Variants in FAM135B observed in about 807,000 individuals in gnomAD.
FAM135B encodes the protein protein FAM135B.
Under a neutral mutation model 127.7 loss-of-function variants are expected in FAM135B, and 43 were observed. The observed-to-expected ratio is 0.34, with a 90% CI of 0.26 to 0.43. The LOEUF is 0.43. Among genes scored for constraint, FAM135B ranks in the 20% least tolerant of loss-of-function variants. The probability of loss-of-function intolerance (pLI) is 1.00; values close to 1 mark genes in which losing one functional copy is unlikely to be tolerated. For missense variants in FAM135B, 1,558 were observed against 1,725.6 expected, an observed-to-expected ratio of 0.90 and a Z score of 1.72; for synonymous variants, 670 against 665.1, an observed-to-expected ratio of 1.01 and a Z score of -0.11.
intron 7 of FAM135B, among the ~76,000 whole-genome samples, chr8:138,205,333 C>A (rs369777893): frequency 9.2e-5 from 14 of 152,270 alleles, no homozygotes; most frequent in African/African-American, 2.9e-4. Flanking sequence ...GTGCTGGAAG[C>A]CCCCAGACTT....
chr8:138,375,385 T>G (rs1017553387), intron 1 of FAM135B, among the ~76,000 whole-genome samples: 7 of 151,562 alleles, frequency 4.6e-5, no homozygotes, highest in South Asian at 2.1e-4. Context: ...CTCTGTGTGT[T>G]TGTGTGTGTG....
intron 1 of FAM135B, among the ~76,000 whole-genome samples, chr8:138,400,529 AG>A (rs1338562375): frequency 6.6e-6 from 1 of 152,122 alleles, no homozygotes; most frequent in African/African-American, 2.4e-5. Context: ...AGATGAGAGG[AG>A]GAGGACTGAA....
At chr8:138,330,231 T>C (rs1828069969) in intron 2 of FAM135B, among the ~76,000 whole-genome samples, 1 of 152,186 alleles carries the variant, frequency 6.6e-6, no homozygotes, top group Non-Finnish European at 1.5e-5. Context: ...AATCAAAGTG[T>C]CGTGAGTTCA....
At chr8:138,360,283 A>G (rs1201927368) in intron 2 of FAM135B, among the ~76,000 whole-genome samples, 1 of 152,262 alleles carries the variant, frequency 6.6e-6, no homozygotes, top group Non-Finnish European at 1.5e-5. Context: ...GTAAATAGAT[A>G]CAAATGAGTT....
At chr8:138,380,013 T>C (rs1168445995) in intron 1 of FAM135B, among the ~76,000 whole-genome samples, 1 of 152,152 alleles carries the variant, frequency 6.6e-6, no homozygotes. Context: ...CATTTATTAA[T>C]GGCTATAAAT....
At chr8:138,324,401 C>T (rs1459619648) in intron 2 of FAM135B, among the ~76,000 whole-genome samples, 4 of 152,174 alleles carry the variant, frequency 2.6e-5, no homozygotes, top group Middle Eastern at 3.2e-3. Context: ...GACCACTCAC[C>T]TCTAAAAAGT....
intron 7 of FAM135B, among the ~76,000 whole-genome samples, chr8:138,235,375 T>C (rs1486010356): frequency 6.6e-6 from 1 of 152,174 alleles, no homozygotes; most frequent in East Asian, 1.9e-4. Flanking sequence ...GTTTGATTAG[T>C]GAATAAACCA....
rs1482272306 is a variant in FAM135B at position 138,242,788 on chromosome 8, A to G, written c.669+154T>C. 2.0e-5 allele frequency among the ~76,000 whole-genome samples: 3 copies of G among 152,212 alleles called. No homozygotes were observed. The highest frequency in any genetic ancestry group is 4.4e-5 in the Non-Finnish European group (3 of 68,036). On this transcript the variant is annotated intron_variant, in intron 7 of 19. Coordinates refer to ENST00000395297, the MANE Select transcript of FAM135B (RefSeq NM_015912.4). This position sits in a 1 kb window ranked among gnomAD's most constrained non-coding sequence, Gnocchi z 9.6. ...AATATGTCTGATAGAGCTTGTAGTG[A>G]TAAAAACAAGGGGTGGGAAGATGGT...
chr8:138,204,820 T>C (rs1817433262), intron 7 of FAM135B, among the ~76,000 whole-genome samples: 1 of 152,210 alleles, frequency 6.6e-6, no homozygotes, highest in Non-Finnish European at 1.5e-5. Context: ...AACAGACCCA[T>C]AAAAGCAAGA....
At chr8:138,409,928 G>C (rs1448039482) in intron 1 of FAM135B, among the ~76,000 whole-genome samples, 1 of 149,962 alleles carries the variant, frequency 6.7e-6, no homozygotes, top group Non-Finnish European at 1.5e-5. Context: ...AGAGGATATG[G>C]AAGTCTGAGA....
At chr8:138,346,578 G>A (rs11166815) in intron 2 of FAM135B, among the ~76,000 whole-genome samples, 150,720 of 152,318 alleles carry the variant, frequency 0.99, 74,595 homozygotes, top group East Asian at 1. Flanking sequence ...TAGAAAATCA[G>A]ACATCACACG....
intron 2 of FAM135B, among the ~76,000 whole-genome samples, chr8:138,342,693 C>T (rs766154546): frequency 2.0e-5 from 3 of 152,182 alleles, no homozygotes; most frequent in Admixed American, 6.5e-5. Flanking sequence ...AAGAAAGATG[C>T]CACAGGCCCC....
chr8:138,496,531 G>C (rs1432016467), intron 1 of FAM135B, 140 bp downstream of exon 1: 1 of 152,394 alleles, frequency 6.6e-6, no homozygotes, highest in Non-Finnish European at 1.5e-5. Context: ...GGGGAAAATC[G>C]AGGGAGATAA....
intron 3 of FAM135B, among the ~76,000 whole-genome samples, chr8:138,285,610 T>C (rs919441916): frequency 1.1e-4 from 16 of 152,200 alleles, no homozygotes; most frequent in African/African-American, 3.9e-4. Context: ...AATTTATTAG[T>C]GCCATTACTA....
chr8:138,365,375 G>A (rs1195120050), intron 2 of FAM135B, among the ~76,000 whole-genome samples: 3 of 152,060 alleles, frequency 2.0e-5, no homozygotes, highest in Non-Finnish European at 4.4e-5. Flanking sequence ...AGGGTCTATT[G>A]GATGTGTTAT....
chr8:138,168,185 C>T, intron 11 of FAM135B, 136 bp from the exon 12 acceptor site: 1 of 1,012,758 alleles, frequency 9.9e-7, no homozygotes, highest in Admixed American at 3.1e-5. Context: ...TCCTTTTCTT[C>T]CACCCACCTA....
At chr8:138,373,362 T>C (rs2131248553) in intron 1 of FAM135B, among the ~76,000 whole-genome samples, 1 of 151,796 alleles carries the variant, frequency 6.6e-6, no homozygotes, top group Admixed American at 6.6e-5. Flanking sequence ...TGGACACTTA[T>C]CACTTCCCCA....
intron 1 of FAM135B, among the ~76,000 whole-genome samples, chr8:138,422,243 A>G (rs1834555021): frequency 6.6e-6 from 1 of 152,184 alleles, no homozygotes; most frequent in African/African-American, 2.4e-5. Flanking sequence ...TCTAAAAGCA[A>G]TTATAACAAA....
chr8:138,408,048 G>T (rs1383827228), intron 1 of FAM135B, among the ~76,000 whole-genome samples: 3 of 152,138 alleles, frequency 2.0e-5, no homozygotes, highest in Non-Finnish European at 4.4e-5. Flanking sequence ...TAGAGCACAG[G>T]CAGAGTAGAT....
Sources: allele counts gnomAD v4.1 joint callset (sites outside exome capture counted in the v4.1 genomes callset), GRCh38; gene constraint gnomAD v4.1.1; non-coding constraint Gnocchi (gnomAD v3.1); transcripts MANE v1.5; gene names NCBI Gene and HGNC (gene_info 2026-07-23, HGNC 2026-07-21).